SSR1: variants seen among roughly 807,000 people sequenced by gnomAD.
SSR1 encodes the protein translocon-associated protein subunit alpha.
SSR1 carries 13 observed loss-of-function variants against 36.1 expected under a neutral mutation model. That is an observed-to-expected ratio of 0.36 (90% CI 0.23 to 0.57). SSR1 has a LOEUF of 0.57. Among genes scored for constraint, SSR1 ranks in the 20% least tolerant of loss-of-function variants. The probability of loss-of-function intolerance (pLI) is 0.81; values close to 1 mark genes in which losing one functional copy is unlikely to be tolerated. For synonymous variants in SSR1, 113 were observed against 118.9 expected, an observed-to-expected ratio of 0.95 and a Z score of 0.32; for missense variants, 291 against 338.5, an observed-to-expected ratio of 0.86 and a Z score of 1.10.
intron 6 of SSR1, chr6:7,297,216 C>CAAAAAAAAAAAAAAAAAAAAAAAAA (rs55729286): frequency 2.7e-5 from 2 of 73,348 alleles, no homozygotes; most frequent in Non-Finnish European, 2.5e-5. Context: ...CAGACTGTCT[C>CAAAAAAAAAAAAAAAAAAAAAAAAA]AAAAAAAAAA....
chr6:7,289,595 CAAT>C lies in SSR1; in HGVS notation c.*266_*268del, dbSNP rs1283177634. ...TAAAGACTTGTTTCAGGTAGTTCAA[CAAT>C]GATTCTGGTAAGACCAACTGCTCAC... is the stretch of plus-strand genomic sequence containing the variant. On this transcript the variant is annotated 3_prime_UTR_variant, in exon 8 of 8. Coordinates refer to ENST00000244763, the MANE Select transcript of SSR1 (RefSeq NM_003144.5). The C allele has an allele frequency of 2.2e-6, 1 of 450,780 alleles. No individual in the cohort carries two copies. Among genetic ancestry groups the C allele is most frequent in the Non-Finnish European group, 3.9e-6 (1 of 257,382 alleles). 27.9% of individuals were successfully genotyped at this position (450,780 alleles called of 1,614,324 possible). A position where few individuals can be genotyped will look rare whatever the true frequency, so the allele number is the denominator to read the frequency against.
chr6:7,295,291 G>A (rs996273400), intron 7 of SSR1, 101 bp downstream of exon 7: 1 of 1,132,834 alleles, frequency 8.8e-7, no homozygotes, highest in South Asian at 1.4e-5. Flanking sequence ...AAAGATGAAT[G>A]TTAAATAGTA....
At chr6:7,306,840 C>T (rs1581636611) in intron 2 of SSR1, among the ~76,000 whole-genome samples, 3 of 137,912 alleles carry the variant, frequency 2.2e-5, no homozygotes, top group South Asian at 2.6e-4. Flanking sequence ...GGCGTGAACC[C>T]GGGAGGTGGA....
chr6:7,312,875 C>T (rs905368835), intron 1 of SSR1, among the ~76,000 whole-genome samples, 167 bp downstream of exon 1: 1 of 152,198 alleles, frequency 6.6e-6, no homozygotes, highest in East Asian at 1.9e-4. Flanking sequence ...CCAGCGCCCG[C>T]GGGGACCCCT....
At chr6:7,303,232 C>T (rs546842811) in intron 3 of SSR1, among the ~76,000 whole-genome samples, 63 of 146,350 alleles carry the variant, frequency 4.3e-4, no homozygotes, top group Non-Finnish European at 8.3e-4. Flanking sequence ...GAGGCTGAGG[C>T]AGGAAAATCG....
intron 5 of SSR1, 43 bp from the exon 6 acceptor site, chr6:7,298,044 G>A: frequency 7.1e-7 from 1 of 1,416,938 alleles, no homozygotes; most frequent in Non-Finnish European, 9.9e-7. Context: ...TAATTCAGAG[G>A]AAATACCACG....
At chr6:7,299,426 C>T (rs1270923574) in intron 4 of SSR1, among the ~76,000 whole-genome samples, 3 of 152,124 alleles carry the variant, frequency 2.0e-5, no homozygotes, top group South Asian at 2.1e-4. Context: ...GTGCCGGGTG[C>T]GGTGGCTCAC....
At chr6:7,307,420 T>C (rs114155458) in intron 2 of SSR1, among the ~76,000 whole-genome samples, 1,929 of 152,358 alleles carry the variant, frequency 0.013, 38 homozygotes, top group African/African-American at 0.038. Flanking sequence ...TAATCAGAGT[T>C]GTTCTTTTTC....
chr6:7,294,267 C>G (rs1757743664), intron 7 of SSR1, among the ~76,000 whole-genome samples: 2 of 151,954 alleles, frequency 1.3e-5, no homozygotes, highest in Admixed American at 6.6e-5. Context: ...AAAGAGACAT[C>G]CAAGGTATGA....
chr6:7,284,800 G>A lies in SSR1; in HGVS notation c.*5064C>T, dbSNP rs1757512786. ...GTAACACTGAATTAAGTAAGGGTTT[G>A]TAGGTCACAGAATCAGACTATTTAG... On this transcript the variant is annotated 3_prime_UTR_variant, in exon 8 of 8. Coordinates refer to ENST00000244763, the MANE Select transcript of SSR1 (RefSeq NM_003144.5). The A allele has an allele frequency of 6.6e-6, 1 of 151,746 alleles. No individual in the cohort carries two copies. The highest frequency in any genetic ancestry group is 2.4e-5 in the African/African-American group (1 of 41,274). The allele number at this position is 151,746 out of a possible 1,614,324, so 9.4% of individuals were successfully genotyped here.
Position 7,284,556 on chromosome 6 carries a change from A to G in SSR1, c.*5308T>C, listed in dbSNP as rs1757504852. 6.6e-6 allele frequency: 1 copy of G among 152,170 alleles called. No homozygotes were observed. Among genetic ancestry groups the G allele is most frequent in the African/African-American group, 2.4e-5 (1 of 41,432 alleles). The allele number at this position is 152,170 out of a possible 1,614,324, so 9.4% of individuals were successfully genotyped here. On this transcript the variant is annotated 3_prime_UTR_variant, in exon 8 of 8. Transcript: ENST00000244763. ...CAGCGAAAATGAGAGCAGTCACTTA[A>G]GCGGCTTACTGAGACCCAGGCAATG...
chr6:7,293,043 G>A (rs1332442886), intron 7 of SSR1, among the ~76,000 whole-genome samples: 1 of 152,046 alleles, frequency 6.6e-6, no homozygotes, highest in Non-Finnish European at 1.5e-5. Context: ...TTAGTTCCAG[G>A]ACTACTCCCC....
At chr6:7,312,823 G>A (rs1291959366) in intron 1 of SSR1, among the ~76,000 whole-genome samples, 2 of 152,232 alleles carry the variant, frequency 1.3e-5, no homozygotes, top group Admixed American at 6.5e-5. Context: ...CCCGGGCACG[G>A]CCCCGCGCTC....
chr6:7,310,618 A>G (rs1441069012), intron 1 of SSR1, among the ~76,000 whole-genome samples: 2 of 152,234 alleles, frequency 1.3e-5, no homozygotes, highest in Non-Finnish European at 2.9e-5. Context: ...TTTAAAAGAA[A>G]ACAGCATTCT....
In SSR1 at chr6:7,284,786, TTAAG is replaced by T. The variant is rs1393227330; in HGVS notation, c.*5074_*5077del. On this transcript the variant is annotated 3_prime_UTR_variant, in exon 8 of 8. Transcript: ENST00000244763. The stretch of plus-strand genomic sequence containing the variant: ...AAGAATCATTTATAGTAACACTGAA[TTAAG>T]TAAGGGTTTGTAGGTCACAGAATCA... The T allele has an allele frequency of 6.6e-6, 1 of 151,864 alleles. No individual in the cohort carries two copies. Among genetic ancestry groups the T allele is most frequent in the African/African-American group, 2.4e-5 (1 of 41,308 alleles). 9.4% of individuals were successfully genotyped at this position (151,864 alleles called of 1,614,324 possible).
chr6:7,310,635 GC>G (rs1758169894), intron 1 of SSR1, among the ~76,000 whole-genome samples: 1 of 152,154 alleles, frequency 6.6e-6, no homozygotes, highest in Admixed American at 6.5e-5. Flanking sequence ...TTCTTGGCCG[GC>G]GCGGTGGCTC....
At chr6:7,310,704 A>G (rs140437483) in intron 1 of SSR1, among the ~76,000 whole-genome samples, 1 of 152,138 alleles carries the variant, frequency 6.6e-6, no homozygotes, top group African/African-American at 2.4e-5. Context: ...TGAGGCCAGG[A>G]GTTCAAGACC....
chr6:7,290,971 ACCT>A (rs1205295160), intron 7 of SSR1, among the ~76,000 whole-genome samples: 22 of 60,432 alleles, frequency 3.6e-4, no homozygotes, highest in African/African-American at 1.1e-3. Context: ...TCCGCTCTCC[ACCT>A]CCTGGGTTTA....
At chr6:7,306,872 A>ATG (rs1561835228) in intron 2 of SSR1, among the ~76,000 whole-genome samples, 2 of 135,142 alleles carry the variant, frequency 1.5e-5, no homozygotes, top group South Asian at 2.7e-4. Context: ...GCGGAGATCC[A>ATG]CGCCACTGCA....
Sources: allele counts gnomAD v4.1 joint callset (sites outside exome capture counted in the v4.1 genomes callset), GRCh38; gene constraint gnomAD v4.1.1; transcripts MANE v1.5; gene names NCBI Gene and HGNC (gene_info 2026-07-23, HGNC 2026-07-21).